RPGRIP1: variants seen among roughly 807,000 people sequenced by gnomAD.
RPGRIP1 encodes the protein RPGR interacting protein 1, also known as X-linked retinitis pigmentosa GTPase regulator-interacting protein 1.
In RPGRIP1, 128 loss-of-function variants were observed where a neutral mutation model predicts 157.9. The observed-to-expected ratio is 0.81, with a 90% confidence interval of 0.70 to 0.94. The LOEUF is 0.94. Ranked by LOEUF, RPGRIP1 falls within the 40% of genes least tolerant of loss-of-function variation. RPGRIP1 has a pLI of 0.00. For missense variants in RPGRIP1, 1,486 were observed against 1,545.8 expected, an observed-to-expected ratio of 0.96 and a Z score of 0.65; for synonymous variants, 554 against 571.6, an observed-to-expected ratio of 0.97 and a Z score of 0.44.
intron 14 of RPGRIP1, 90 bp from the exon 15 acceptor site, chr14:21,324,528 T>G: frequency 9.5e-7 from 1 of 1,053,768 alleles, no homozygotes; most frequent in Non-Finnish European, 1.5e-6. Context: ...ACTTCCACCA[T>G]GTGTTTTATA....
intron 2 of RPGRIP1, among the ~76,000 whole-genome samples, chr14:21,291,321 A>G (rs186021727): frequency 1.5e-3 from 227 of 152,262 alleles, no homozygotes; most frequent in African/African-American, 5.1e-3. Flanking sequence ...ATAATTTTTC[A>G]AGTTAGAAGA....
intron 20 of RPGRIP1, among the ~76,000 whole-genome samples, chr14:21,331,381 G>T (rs1050643224): frequency 1.3e-5 from 2 of 151,946 alleles, no homozygotes. Flanking sequence ...AATTAGCTGG[G>T]CATGGTGGCA....
intron 23 of RPGRIP1, 79 bp downstream of exon 23, chr14:21,345,276 A>G (rs1205034845): frequency 6.5e-6 from 6 of 929,838 alleles, no homozygotes; most frequent in African/African-American, 5.0e-5. Context: ...TTTTGTGCTG[A>G]TGCTGAATAT....
chr14:21,350,314 T>G (rs930631205), intron 24 of RPGRIP1, among the ~76,000 whole-genome samples: 5 of 149,336 alleles, frequency 3.3e-5, no homozygotes, highest in Non-Finnish European at 5.9e-5. Context: ...AGGCGGAGGT[T>G]GCAGTGAGCT....
At chr14:21,303,573 CA>C in intron 6 of RPGRIP1, 30 bp downstream of exon 6, 1 of 1,507,210 alleles carries the variant, frequency 6.6e-7, no homozygotes, top group Non-Finnish European at 9.2e-7. Flanking sequence ...TGCCTCAAAC[CA>C]AAACGAACTG....
intron 20 of RPGRIP1, among the ~76,000 whole-genome samples, chr14:21,333,920 C>G (rs867475129): frequency 4.0e-5 from 6 of 148,430 alleles, no homozygotes; most frequent in Middle Eastern, 3.5e-3. Context: ...CCATTTGAGG[C>G]CACCTTTTTT....
intron 19 of RPGRIP1, among the ~76,000 whole-genome samples, chr14:21,329,798 C>G (rs181681598): frequency 1.9e-4 from 28 of 150,800 alleles, no homozygotes; most frequent in African/African-American, 6.8e-4. Flanking sequence ...GCCCGGCCAA[C>G]GAGTACTAAC....
intron 17 of RPGRIP1, among the ~76,000 whole-genome samples, 152 bp from the exon 18 acceptor site, chr14:21,327,471 G>C (rs1883229488): frequency 6.6e-6 from 1 of 152,088 alleles, no homozygotes; most frequent in Non-Finnish European, 1.5e-5. Flanking sequence ...ACTTCTGAGT[G>C]TATCATCATC....
chr14:21,350,224 A>C (rs751749463), intron 24 of RPGRIP1, among the ~76,000 whole-genome samples: 2 of 152,028 alleles, frequency 1.3e-5, no homozygotes, highest in African/African-American at 2.4e-5. Flanking sequence ...AAAAATACAA[A>C]AAAAATTAGC....
At chr14:21,342,956 G>A (rs570026828) in intron 21 of RPGRIP1, 80 bp from the exon 22 acceptor site, 21 of 971,656 alleles carry the variant, frequency 2.2e-5, no homozygotes, top group Admixed American at 1.0e-4. Context: ...AGAGAGTACC[G>A]TAATGGGTTA....
Position 21,327,542 on chromosome 14 carries a change from A to G in RPGRIP1, c.2711-81A>G. ...AAATATGTTGAAATTAAAAATGGGAAGGAAGTAGATAAGGTGCTGACAAAT... is the reference window on the plus strand; with the variant it reads ...AAATATGTTGAAATTAAAAATGGGAGGGAAGTAGATAAGGTGCTGACAAAT... On this transcript the variant is annotated intron_variant, in intron 17 of 24. Transcript: ENST00000400017. 3 of 1,099,684 alleles carry G rather than the reference A, an allele frequency of 2.7e-6. No homozygotes were observed. In the South Asian group the frequency reaches 4.0e-5, roughly 15 times the overall value. 68.1% of individuals were successfully genotyped at this position (1,099,684 alleles called of 1,614,324 possible).
chr14:21,330,302 T>C lies in RPGRIP1; in HGVS notation c.3153T>C (p.Asp1051=). Residue 1051 remains aspartate (D), a synonymous_variant, in exon 20 of 25, where the codon GAT becomes GAC. Coordinates refer to ENST00000400017, the MANE Select transcript of RPGRIP1 (RefSeq NM_020366.4). ...CAGAGACTAACAGCTTCATAGGTGATGGCTTTAAAAATCAGCACGAGGAAG... is the reference window on the plus strand; with the variant it reads ...CAGAGACTAACAGCTTCATAGGTGACGGCTTTAAAAATCAGCACGAGGAAG... ...KFSETNSFIG[D]GFKNQHEEEE... 1 of 1,581,894 alleles carries C rather than the reference T, an allele frequency of 6.3e-7. No individual in the cohort carries two copies. Among genetic ancestry groups the C allele is most frequent in the Non-Finnish European group, 8.6e-7 (1 of 1,166,968 alleles).
Position 21,312,505 on chromosome 14 carries a change from A to G in RPGRIP1, c.1150A>G (p.Ser384Gly). The change falls in exon 10 of 25, where the codon AGC becomes GGC. Residue 384 changes from serine (S) to glycine (G), a missense_variant and splice_region_variant. Coordinates refer to ENST00000400017, the MANE Select transcript of RPGRIP1 (RefSeq NM_020366.4). The part of the protein sequence containing the change: ...LNDNYDKLLE[S>G]MLDSSDSSSQ... ...TGACAATTATGACAAACTCTTAGAA[A>G]GGTGAGTACCACATTTGGGTCCCAG... is the stretch of plus-strand genomic sequence containing the variant. 1 of 1,606,262 alleles carries G rather than the reference A, an allele frequency of 6.2e-7. No homozygotes were observed. Among genetic ancestry groups the G allele is most frequent in the African/African-American group, 1.3e-5 (1 of 74,892 alleles).
chr14:21,309,944 G>A (rs887045283), intron 7 of RPGRIP1, among the ~76,000 whole-genome samples: 4 of 107,614 alleles, frequency 3.7e-5, no homozygotes, highest in African/African-American at 1.3e-4. Context: ...CAAAAATTAG[G>A]TGTGGTGGGG....
intron 21 of RPGRIP1, among the ~76,000 whole-genome samples, chr14:21,342,476 C>T (rs1885109845): frequency 6.7e-6 from 1 of 148,458 alleles, no homozygotes; most frequent in Admixed American, 6.8e-5. Flanking sequence ...ATCAGGATGT[C>T]AAAGCTGCAG....
At chr14:21,300,327 C>T (rs1014366962) in intron 3 of RPGRIP1, among the ~76,000 whole-genome samples, 1 of 150,254 alleles carries the variant, frequency 6.7e-6, no homozygotes, top group African/African-American at 2.4e-5. Flanking sequence ...AAAAAGCCTC[C>T]GGAACACCCA....
Position 21,310,604 on chromosome 14 carries a change from G to T in RPGRIP1, c.927G>T (p.Gln309His), listed in dbSNP as rs1302420835. The T allele has an allele frequency of 6.8e-7, 1 of 1,462,182 alleles. No individual in the cohort carries two copies. The highest frequency in any genetic ancestry group is 2.3e-5 in the Admixed American group (1 of 42,916). The allele number at this position is 1,462,182 out of a possible 1,614,324, so 90.6% of individuals were successfully genotyped here. Residue 309 changes from glutamine (Q) to histidine (H), a missense_variant, in exon 8 of 25, where the codon CAG (glutamine) becomes CAT (histidine). Transcript: ENST00000400017. ...TCCAGGCATACGAAACCTTGCTCCA[G>T]AAGGTACTTAATGAGAATTGAGTCT... Reference protein sequence around the residue: ...EVQEAYETLLQKNQGILSAAH... With the variant: ...EVQEAYETLLHKNQGILSAAH...
chr14:21,299,281 C>T (rs1880925640), intron 3 of RPGRIP1, among the ~76,000 whole-genome samples: 3 of 151,790 alleles, frequency 2.0e-5, no homozygotes, highest in African/African-American at 2.4e-5. Context: ...GGATTACAGG[C>T]GTGAGCCACC....
chr14:21,330,948 C>T (rs1289003253), intron 20 of RPGRIP1, among the ~76,000 whole-genome samples: 3 of 151,854 alleles, frequency 2.0e-5, no homozygotes, highest in Non-Finnish European at 4.4e-5. Flanking sequence ...CTCATTCTGT[C>T]TCCCAGGCTG....
Sources: gnomAD v4.1 joint callset for allele counts (sites outside exome capture counted in the v4.1 genomes callset) on GRCh38, gnomAD v4.1.1 for gene constraint, MANE v1.5 for transcripts, NCBI Gene and HGNC (gene_info 2026-07-23, HGNC 2026-07-21) for gene names.